PTPRN2: variants seen among roughly 807,000 people sequenced by gnomAD.
PTPRN2 encodes the protein receptor-type tyrosine-protein phosphatase N2.
In PTPRN2, 74 loss-of-function variants were observed where a neutral mutation model predicts 118.8. That is an observed-to-expected ratio of 0.62 (90% CI 0.52 to 0.76). PTPRN2 has a LOEUF of 0.76. Ranked by LOEUF, PTPRN2 falls within the 30% of genes least tolerant of loss-of-function variation. PTPRN2 has a pLI of 0.00. For synonymous variants in PTPRN2, 641 were observed against 608.0 expected (o/e 1.05, Z -0.80); for missense variants, 1,481 against 1,394.4 (o/e 1.06, Z -0.99).
intron 11 of PTPRN2, among the ~76,000 whole-genome samples, chr7:158,056,971 C>T (rs928091852): frequency 1.3e-5 from 2 of 152,310 alleles, no homozygotes; most frequent in South Asian, 4.2e-4. Flanking sequence ...GATCAGCCAC[C>T]TCGGATGTGT....
chr7:157,699,759 G>C (rs1797977806), intron 12 of PTPRN2, among the ~76,000 whole-genome samples: 1 of 152,188 alleles, frequency 6.6e-6, no homozygotes, highest in African/African-American at 2.4e-5. Context: ...ACAGTGCGGA[G>C]CAGGTTCAGG....
intron 2 of PTPRN2, among the ~76,000 whole-genome samples, chr7:158,391,160 A>G (rs4909079): frequency 0.93 from 142,043 of 152,322 alleles, 66,441 homozygotes; most frequent in East Asian, 0.97. Context: ...CAAACACCCT[A>G]ACCCAGCAGC....
intron 12 of PTPRN2, among the ~76,000 whole-genome samples, chr7:157,805,289 C>CTGTGTGTGTGTG (rs57161533): frequency 4.0e-5 from 6 of 148,796 alleles, no homozygotes; most frequent in Admixed American, 1.3e-4. Context: ...ATATATACTC[C>CTGTGTGTGTGTG]TGTGTGTGTG....
Position 158,493,921 on chromosome 7 carries a change from G to A in PTPRN2, c.113-4136C>T, listed in dbSNP as rs374134580. Among the ~76,000 whole-genome samples, 6 of 152,240 alleles carry A rather than the reference G, an allele frequency of 3.9e-5. No individual in the cohort carries two copies. The South Asian group carries it at 6.2e-4, about 16-fold the overall frequency. On this transcript the variant is annotated intron_variant, in intron 1 of 22. Coordinates refer to ENST00000389418, the MANE Select transcript of PTPRN2 (RefSeq NM_002847.5). ...CGTACATGGGTGCACGTATGCACACGTACATGGGTACACTCATGCATGCTG... is the reference window on the plus strand; with the variant it reads ...CGTACATGGGTGCACGTATGCACACATACATGGGTACACTCATGCATGCTG...
intron 12 of PTPRN2, among the ~76,000 whole-genome samples, chr7:157,759,181 T>A (rs940633112): frequency 1.3e-5 from 2 of 152,246 alleles, no homozygotes; most frequent in Non-Finnish European, 2.9e-5. Context: ...GGAGCATCGG[T>A]GCCTGGGCGC....
intron 6 of PTPRN2, among the ~76,000 whole-genome samples, chr7:158,161,061 C>T (rs1461251009): frequency 6.6e-6 from 1 of 152,164 alleles, no homozygotes. Context: ...AGGATCTTAA[C>T]ATTCAGAACT....
chr7:157,954,871 T>C (rs1801086065), intron 11 of PTPRN2, among the ~76,000 whole-genome samples: 1 of 152,134 alleles, frequency 6.6e-6, no homozygotes, highest in Non-Finnish European at 1.5e-5. Context: ...ATCATTTCTA[T>C]TTACTCCTGC....
chr7:158,348,101 G>C (rs534416860), intron 2 of PTPRN2, among the ~76,000 whole-genome samples: 1 of 152,232 alleles, frequency 6.6e-6, no homozygotes, highest in East Asian at 1.9e-4. Context: ...GCTTTTCTCT[G>C]GTGGAAGATT....
intron 21 of PTPRN2, 135 bp downstream of exon 21, chr7:157,568,767 C>G (rs1239234421): frequency 3.5e-6 from 3 of 848,304 alleles, no homozygotes; most frequent in South Asian, 1.5e-5. Flanking sequence ...TGCAAACCAC[C>G]TTCCTACGGC....
At chr7:157,593,740 C>T (rs976296990) in intron 17 of PTPRN2, among the ~76,000 whole-genome samples, 14 of 152,046 alleles carry the variant, frequency 9.2e-5, no homozygotes, top group Non-Finnish European at 1.8e-4. Context: ...CTTCCTACCA[C>T]GAAACTCCTG....
chr7:158,341,926 C>T (rs1806914494), intron 2 of PTPRN2, among the ~76,000 whole-genome samples: 1 of 143,112 alleles, frequency 7.0e-6, no homozygotes, highest in South Asian at 2.3e-4. Context: ...ACGTCACTCA[C>T]ACCCACATTC....
chr7:158,146,975 C>T (rs1820139155), intron 6 of PTPRN2, among the ~76,000 whole-genome samples: 2 of 123,998 alleles, frequency 1.6e-5, no homozygotes, highest in Non-Finnish European at 1.7e-5. Context: ...TCTCACGCCA[C>T]GTGTCTTTCC....
intron 6 of PTPRN2, among the ~76,000 whole-genome samples, chr7:158,151,103 T>TTCTA (rs1563520778): frequency 1.3e-4 from 6 of 47,054 alleles, no homozygotes; most frequent in African/African-American, 2.8e-4. Flanking sequence ...ACCGCCCGCC[T>TTCTA]TTCTGCTCCT....
chr7:157,900,386 G>C (rs553313374), intron 11 of PTPRN2, among the ~76,000 whole-genome samples: 1 of 152,356 alleles, frequency 6.6e-6, no homozygotes, highest in South Asian at 2.1e-4. Flanking sequence ...AGGTTGTCTG[G>C]CTCTAGTCCA....
chr7:157,601,692 T>C (rs1801676158), intron 16 of PTPRN2, among the ~76,000 whole-genome samples: 1 of 152,242 alleles, frequency 6.6e-6, no homozygotes, highest in Admixed American at 6.5e-5. Context: ...CTGCCCACGC[T>C]GGGGCTTGGC....
At chr7:158,408,394 A>G (rs1813764027) in intron 2 of PTPRN2, among the ~76,000 whole-genome samples, 1 of 152,236 alleles carries the variant, frequency 6.6e-6, no homozygotes, top group Admixed American at 6.5e-5. Flanking sequence ...CTTTCTCTAC[A>G]GTGGAATTTT....
chr7:157,876,059 C>T (rs879579093), intron 12 of PTPRN2, among the ~76,000 whole-genome samples: 3 of 152,222 alleles, frequency 2.0e-5, no homozygotes, highest in African/African-American at 4.8e-5. Context: ...CTGGCTGTCT[C>T]CATCTGGGGC....
At chr7:157,880,648 C>G (rs1796058700) in intron 12 of PTPRN2, among the ~76,000 whole-genome samples, 1 of 152,192 alleles carries the variant, frequency 6.6e-6, no homozygotes, top group Non-Finnish European at 1.5e-5. Context: ...ACATTTGTAC[C>G]ATGTGGTAAT....
rs540661438 is a variant in PTPRN2 at position 158,079,985 on chromosome 7, A to C, written c.1723+1313T>G. Among the ~76,000 whole-genome samples the C allele has an allele frequency of 5.3e-5, 8 of 152,330 alleles. No homozygotes were observed. In the South Asian group the frequency reaches 1.7e-3, roughly 32 times the overall value. ...ACCTTAAATCAGACTGCAGAAGTTTAGTACAACTTTGCAAAGCACTGTATT... is the reference window on the plus strand; with the variant it reads ...ACCTTAAATCAGACTGCAGAAGTTTCGTACAACTTTGCAAAGCACTGTATT... On this transcript the variant is annotated intron_variant, in intron 11 of 22. Coordinates refer to ENST00000389418, the MANE Select transcript of PTPRN2 (RefSeq NM_002847.5).
Sources: gnomAD v4.1 joint callset for allele counts (sites outside exome capture counted in the v4.1 genomes callset) on GRCh38, gnomAD v4.1.1 for gene constraint, MANE v1.5 for transcripts, NCBI Gene and HGNC (gene_info 2026-07-23, HGNC 2026-07-21) for gene names.